Variants in CACNA1E observed in about 807,000 individuals in gnomAD.
CACNA1E encodes the protein calcium voltage-gated channel subunit alpha1 E, also known as voltage-dependent R-type calcium channel subunit alpha-1E.
CACNA1E carries 40 observed loss-of-function variants against 259.2 expected under a neutral mutation model. The ratio of observed to expected loss-of-function variants is 0.15; its 90% CI spans 0.12 to 0.20. CACNA1E has a LOEUF of 0.20. Ranked by LOEUF, CACNA1E falls within the 10% of genes least tolerant of loss-of-function variation. The pLI is 1.00. For missense variants in CACNA1E, 1,874 were observed against 3,040.1 expected (o/e 0.62, Z 9.02); for synonymous variants, 1,104 against 1,138.5 (o/e 0.97, Z 0.61).
At chr1:181,327,397 GTA>G (rs1375674356) in intron 1 of CACNA1E, among the ~76,000 whole-genome samples, 2 of 152,092 alleles carry the variant, frequency 1.3e-5, no homozygotes, top group Non-Finnish European at 2.9e-5. Context: ...TGTGTATGTG[GTA>G]TATATATATC....
At chr1:181,641,015 G>A (rs1657697008) in intron 6 of CACNA1E, among the ~76,000 whole-genome samples, 1 of 152,202 alleles carries the variant, frequency 6.6e-6, no homozygotes, top group Non-Finnish European at 1.5e-5. Flanking sequence ...ATGCCTGAGT[G>A]CAGCACTTAA....
Position 181,639,862 on chromosome 1 carries a change from C to T in CACNA1E, c.952-11476C>T, listed in dbSNP as rs148700344. Among the ~76,000 whole-genome samples the T allele has an allele frequency of 2.5e-3, 386 of 152,250 alleles. 3 individuals carry two copies. The highest frequency in any genetic ancestry group is 4.1e-3 in the Non-Finnish European group (282 of 68,028). Reference sequence around the variant, plus strand: ...GAGTGAATAAGAGAGTACAAATCATCACAAATCAAGAGATGAGTAAAGAGA... The same window carrying T: ...GAGTGAATAAGAGAGTACAAATCATTACAAATCAAGAGATGAGTAAAGAGA... On this transcript the variant is annotated intron_variant, in intron 6 of 47. Transcript: ENST00000367573.
intron 7 of CACNA1E, among the ~76,000 whole-genome samples, chr1:181,666,721 T>TACAC (rs138335534): frequency 8.6e-5 from 13 of 151,014 alleles, no homozygotes; most frequent in African/African-American, 1.9e-4. Context: ...TATATATATA[T>TACAC]ACACACACAC....
chr1:181,328,210 G>C lies in CACNA1E; in HGVS notation c.-15+10087G>C, dbSNP rs547055462. On this transcript the variant is annotated intron_variant, in intron 1 of 11. Transcript: ENST00000524607. ...TAGTCGTGGTAAGGGCCTGTTTCCT[G>C]GTTCATAGGTGGTGCCTTCTCGCTG... 6.6e-5 allele frequency among the ~76,000 whole-genome samples: 10 copies of C among 152,206 alleles called. No homozygotes were observed. In the South Asian group the frequency reaches 1.7e-3, roughly 25 times the overall value.
chr1:181,640,727 A>T (rs1657671454), intron 6 of CACNA1E, among the ~76,000 whole-genome samples: 1 of 152,204 alleles, frequency 6.6e-6, no homozygotes, highest in Non-Finnish European at 1.5e-5. Flanking sequence ...GTCAACAGAG[A>T]TGACATTTTA....
Position 181,345,464 on chromosome 1 carries a change from G to T in CACNA1E, c.-15+27341G>T, listed in dbSNP as rs375807617. ...GTTGGGGGGCCAGGGGGCTGCGCCT[G>T]GGGCATGAGTGGCTACCGAGAAGGC... On this transcript the variant is annotated intron_variant, in intron 1 of 11. Transcript: ENST00000524607. Among the ~76,000 whole-genome samples the T allele has an allele frequency of 2.4e-4, 36 of 152,310 alleles. 1 individual carries two copies. In the South Asian group the frequency reaches 7.5e-3, roughly 32 times the overall value.
intron 6 of CACNA1E, 134 bp downstream of exon 6, chr1:181,580,910 C>A: frequency 1.4e-6 from 1 of 719,456 alleles, no homozygotes; most frequent in Non-Finnish European, 2.3e-6. Flanking sequence ...GAGGTGAAGA[C>A]TCAACTGGGA....
chr1:181,392,903 A>G (rs577209655), intron 1 of CACNA1E, among the ~76,000 whole-genome samples: 1 of 152,334 alleles, frequency 6.6e-6, no homozygotes, highest in African/African-American at 2.4e-5. Flanking sequence ...TTGAAATGTT[A>G]TGTTTAGCAA....
At chr1:181,662,224 G>T (rs752434247) in intron 7 of CACNA1E, among the ~76,000 whole-genome samples, 1 of 152,174 alleles carries the variant, frequency 6.6e-6, no homozygotes, top group Non-Finnish European at 1.5e-5. Context: ...TGTATCTTAG[G>T]GTGAGATAAA....
chr1:181,714,813 C>T (rs1372520830), intron 8 of CACNA1E, among the ~76,000 whole-genome samples: 2 of 152,142 alleles, frequency 1.3e-5, no homozygotes, highest in Non-Finnish European at 2.9e-5. Flanking sequence ...ACCCACAAGC[C>T]CCCCTCCTGT....
chr1:181,421,694 T>C (rs1658756747), intron 2 of CACNA1E, among the ~76,000 whole-genome samples: 1 of 152,174 alleles, frequency 6.6e-6, no homozygotes, highest in Admixed American at 6.5e-5. Flanking sequence ...TTTATTTCTC[T>C]CCATTTTTCC....
chr1:181,710,901 C>T, intron 7 of CACNA1E, 53 bp from the exon 8 acceptor site: 1 of 1,253,202 alleles, frequency 8.0e-7, no homozygotes, highest in Non-Finnish European at 1.2e-6. Flanking sequence ...TCACTCTTTC[C>T]CTTAGTCATG....
chr1:181,478,338 C>T (rs774503857), intron 2 of CACNA1E, among the ~76,000 whole-genome samples: 9 of 152,170 alleles, frequency 5.9e-5, no homozygotes, highest in African/African-American at 1.7e-4. Flanking sequence ...ATTCTAGGGA[C>T]GGACATTACA....
intron 3 of CACNA1E, among the ~76,000 whole-genome samples, chr1:181,516,343 CCA>C (rs3080529): frequency 0.36 from 52,049 of 143,034 alleles, 9,855 homozygotes; most frequent in Non-Finnish European, 0.44. Context: ...GTGCCAAAGA[CCA>C]CACACACACA....
intron 3 of CACNA1E, among the ~76,000 whole-genome samples, chr1:181,539,631 G>A (rs549563202): frequency 3.3e-5 from 5 of 152,264 alleles, no homozygotes; most frequent in Admixed American, 2.6e-4. Flanking sequence ...CAGGTGTCCC[G>A]CAAGGTCTGA....
upstream of CACNA1E, among the ~76,000 whole-genome samples, chr1:181,481,630 G>A (rs552459729): frequency 1.3e-5 from 2 of 152,272 alleles, no homozygotes; most frequent in East Asian, 3.9e-4. Context: ...GATTTGGAGA[G>A]GCCTATGTGT....
intron 2 of CACNA1E, among the ~76,000 whole-genome samples, chr1:181,454,910 G>T (rs1353899646): frequency 6.6e-6 from 1 of 152,180 alleles, no homozygotes; most frequent in Non-Finnish European, 1.5e-5. Context: ...AAAATGCAAA[G>T]CACTATATGA....
Position 181,802,407 on chromosome 1 carries a change from A to ATCTCCCTTCTTTGCACAGAT in CACNA1E, c.*3576_*3595dup, listed in dbSNP as rs1662340662. On this transcript the variant is annotated 3_prime_UTR_variant, in exon 48 of 48. Transcript: ENST00000367573. The stretch of plus-strand genomic sequence containing the variant: ...CCCCATAATCCACCTCTCAGCCAGT[A>ATCTCCCTTCTTTGCACAGAT]TCTCCCTTCTTTGCACAGATTCCTC... 1 of 152,114 alleles carries ATCTCCCTTCTTTGCACAGAT rather than the reference A, an allele frequency of 6.6e-6. No individual in the cohort carries two copies. Among genetic ancestry groups the ATCTCCCTTCTTTGCACAGAT allele is most frequent in the African/African-American group, 2.4e-5 (1 of 41,394 alleles). The allele number at this position is 152,114 out of a possible 1,614,324, so 9.4% of individuals were successfully genotyped here. A position where few individuals can be genotyped will look rare whatever the true frequency, so the allele number is the denominator to read the frequency against.
intron 36 of CACNA1E, 148 bp from the exon 37 acceptor site, chr1:181,771,918 T>C: frequency 1.5e-6 from 1 of 665,074 alleles, no homozygotes; most frequent in Non-Finnish European, 2.5e-6. Context: ...TATCTCTGCA[T>C]GGAAAGCACT....
Sources: gnomAD v4.1 joint callset for allele counts (sites outside exome capture counted in the v4.1 genomes callset) on GRCh38, gnomAD v4.1.1 for gene constraint, MANE v1.5 for transcripts, NCBI Gene and HGNC (gene_info 2026-07-23, HGNC 2026-07-21) for gene names.